Variants in PTPRK observed in about 807,000 individuals in gnomAD.
The protein encoded by PTPRK is receptor-type tyrosine-protein phosphatase kappa.
In PTPRK, 75 loss-of-function variants were observed where a neutral mutation model predicts 178.0. The observed-to-expected ratio is 0.42, with a 90% CI of 0.35 to 0.51. The LOEUF is 0.51. Among genes scored for constraint, PTPRK ranks in the 20% least tolerant of loss-of-function variants. The probability of loss-of-function intolerance (pLI) is 0.02; values close to 1 mark genes in which losing one functional copy is unlikely to be tolerated. For missense variants in PTPRK, 1,441 were observed against 1,797.8 expected, an observed-to-expected ratio of 0.80 and a Z score of 3.59; for synonymous variants, 637 against 620.6, an observed-to-expected ratio of 1.03 and a Z score of -0.39.
intron 1 of PTPRK, among the ~76,000 whole-genome samples, chr6:128,462,354 T>C (rs1173332162): frequency 1.3e-5 from 2 of 152,140 alleles, no homozygotes; most frequent in Non-Finnish European, 2.9e-5. Flanking sequence ...TTAATACTTA[T>C]GTAATCCAAT....
At chr6:128,461,320 A>G (rs1359415886) in intron 1 of PTPRK, among the ~76,000 whole-genome samples, 1 of 151,730 alleles carries the variant, frequency 6.6e-6, no homozygotes, top group Non-Finnish European at 1.5e-5. Context: ...ACTGTGGTAT[A>G]AAGGAATAAA....
rs181449201 is a variant in PTPRK, at chr6:128,115,099, T to C, written c.1163-25107A>G. ...AGGTAATGCCAATCATCCCAGGACA[T>C]ATATCAAGCACTTGGCATTCTGGCC... On this transcript the variant is annotated intron_variant, in intron 7 of 29. Transcript: ENST00000368226. Among the ~76,000 whole-genome samples the C allele has an allele frequency of 9.4e-4, 143 of 152,156 alleles. 1 individual carries two copies. The highest frequency in any genetic ancestry group is 1.2e-3 in the Non-Finnish European group (80 of 67,962).
intron 7 of PTPRK, among the ~76,000 whole-genome samples, chr6:128,100,688 T>C (rs376345840): frequency 1.1e-4 from 17 of 151,936 alleles, no homozygotes; most frequent in African/African-American, 4.1e-4. Flanking sequence ...TGAAGACACA[T>C]AGAATATAAA....
intron 3 of PTPRK, chr6:128,320,998 T>C (rs1446319167): frequency 3.3e-5 from 5 of 152,086 alleles, no homozygotes; most frequent in Non-Finnish European, 5.9e-5. Flanking sequence ...ATGCCTACAA[T>C]GTAGGAGGCT....
At chr6:128,198,459 C>T (rs942012131) in intron 6 of PTPRK, among the ~76,000 whole-genome samples, 3 of 152,032 alleles carry the variant, frequency 2.0e-5, no homozygotes, top group Non-Finnish European at 4.4e-5. Context: ...ACATTATACA[C>T]CATGGCCTGT....
intron 2 of PTPRK, among the ~76,000 whole-genome samples, chr6:128,386,445 T>C (rs1392368098): frequency 2.0e-5 from 3 of 152,136 alleles, no homozygotes; most frequent in Admixed American, 6.5e-5. Context: ...AGTTAATCCC[T>C]GGCAAGCAAG....
chr6:128,357,304 T>C (rs1469236888), intron 2 of PTPRK, among the ~76,000 whole-genome samples: 1 of 152,224 alleles, frequency 6.6e-6, no homozygotes, highest in Non-Finnish European at 1.5e-5. Context: ...TAATCAGCTA[T>C]GGATCAGAGT....
At chr6:128,319,986 C>G (rs564485903) in intron 3 of PTPRK, among the ~76,000 whole-genome samples, 1 of 152,126 alleles carries the variant, frequency 6.6e-6, no homozygotes, top group Non-Finnish European at 1.5e-5. Flanking sequence ...GAGAGCAAAA[C>G]AATCACTTAA....
rs137957336 is a variant in PTPRK, at chr6:128,124,935, G to C, written c.1163-34943C>G. Among the ~76,000 whole-genome samples the C allele has an allele frequency of 3.7e-3, 569 of 152,310 alleles. 4 individuals carry two copies. The highest frequency in any genetic ancestry group is 0.012 in the African/African-American group (517 of 41,560). On this transcript the variant is annotated intron_variant, in intron 7 of 29. Transcript: ENST00000368226. ...CTGAAACTGCACCATCAGCTCTCCT[G>C]AGTCTCCAGGCTGCCAGCCTTCTAA...
intron 1 of PTPRK, among the ~76,000 whole-genome samples, chr6:128,515,135 T>A (rs904696240): frequency 2.0e-5 from 3 of 152,210 alleles, no homozygotes; most frequent in Non-Finnish European, 4.4e-5. Flanking sequence ...GTAACTTATC[T>A]CACTTATCTC....
At chr6:128,118,162 G>A (rs1791867104) in intron 7 of PTPRK, among the ~76,000 whole-genome samples, 1 of 152,108 alleles carries the variant, frequency 6.6e-6, no homozygotes, top group Non-Finnish European at 1.5e-5. Context: ...AGTGACCTAT[G>A]ACTCAAATAA....
At chr6:127,976,275 T>C (rs1351855089) in intron 27 of PTPRK, among the ~76,000 whole-genome samples, 2 of 141,910 alleles carry the variant, frequency 1.4e-5, no homozygotes, top group Non-Finnish European at 3.0e-5. Flanking sequence ...GTCATTATTG[T>C]TATTGCAATG....
intron 1 of PTPRK, among the ~76,000 whole-genome samples, chr6:128,412,765 G>A (rs17055837): frequency 0.051 from 7,701 of 152,222 alleles, 684 homozygotes; most frequent in African/African-American, 0.17. Context: ...AATGGCTTCC[G>A]GTTGGCCCAG....
intron 4 of PTPRK, 44 bp from the exon 5 acceptor site, chr6:128,240,194 GA>G: frequency 7.3e-6 from 10 of 1,376,574 alleles, no homozygotes; most frequent in Non-Finnish European, 1.0e-5. Flanking sequence ...TTCACATGAA[GA>G]AAATATGCCA....
intron 24 of PTPRK, 51 bp downstream of exon 24, chr6:127,982,780 C>A (rs368292046): frequency 3.9e-6 from 6 of 1,524,490 alleles, no homozygotes; most frequent in Non-Finnish European, 5.4e-6. Flanking sequence ...TTCCTAGCGC[C>A]CAGAACAAAT....
Position 128,136,095 on chromosome 6 carries a change from T to A in PTPRK, c.1163-46103A>T, listed in dbSNP as rs550589984. Among the ~76,000 whole-genome samples the A allele has an allele frequency of 2.0e-5, 3 of 152,286 alleles. No homozygotes were observed. The South Asian group carries it at 6.2e-4, about 32-fold the overall frequency. On this transcript the variant is annotated intron_variant, in intron 7 of 29. Coordinates refer to ENST00000368226, the MANE Select transcript of PTPRK (RefSeq NM_002844.4). ...TCCCATAAGAAGAGAAAGAGATATCTGGGATGTGAACACACTTAGGAAAGA... is the reference window on the plus strand; with the variant it reads ...TCCCATAAGAAGAGAAAGAGATATCAGGGATGTGAACACACTTAGGAAAGA...
intron 6 of PTPRK, among the ~76,000 whole-genome samples, chr6:128,212,898 G>A (rs1227006374): frequency 6.6e-6 from 1 of 151,940 alleles, no homozygotes; most frequent in South Asian, 2.1e-4. Flanking sequence ...TATCCTTATG[G>A]AGTAGCTATA....
chr6:128,255,822 C>A (rs996940942), intron 3 of PTPRK, among the ~76,000 whole-genome samples: 9 of 152,182 alleles, frequency 5.9e-5, no homozygotes, highest in African/African-American at 2.2e-4. Flanking sequence ...AATGTGAGAA[C>A]CATTCATCTA....
At chr6:128,026,665 T>C (rs960824034) in intron 13 of PTPRK, among the ~76,000 whole-genome samples, 19 of 152,332 alleles carry the variant, frequency 1.2e-4, no homozygotes, top group Middle Eastern at 3.4e-3. Flanking sequence ...CAACATATTA[T>C]ATATTTGACA....
Sources: gnomAD v4.1 joint callset for allele counts (sites outside exome capture counted in the v4.1 genomes callset) on GRCh38, gnomAD v4.1.1 for gene constraint, MANE v1.5 for transcripts, NCBI Gene and HGNC (gene_info 2026-07-23, HGNC 2026-07-21) for gene names.